Variants in RBPJ observed in about 807,000 individuals in gnomAD.
RBPJ encodes the protein recombining binding protein suppressor of hairless.
In RBPJ, 9 loss-of-function variants were observed where a neutral mutation model predicts 67.8. The observed-to-expected ratio is 0.13, with a 90% CI of 0.08 to 0.23. The LOEUF (loss-of-function observed/expected upper bound fraction) is 0.23. RBPJ is among the 10% of genes least tolerant of loss of function. The pLI is 1.00. For synonymous variants in RBPJ, 198 were observed against 203.3 expected (o/e 0.97, Z 0.22); for missense variants, 305 against 595.6 (o/e 0.51, Z 5.08).
chr4:26,181,844 A>T (rs1356877618), intron 1 of RBPJ, among the ~76,000 whole-genome samples: 1 of 152,334 alleles, frequency 6.6e-6, no homozygotes, highest in Admixed American at 6.5e-5. Context: ...AGCTCACAGG[A>T]CTGGAAGTTG....
At chr4:26,284,077 T>C (rs1289597696) in intron 1 of RBPJ, among the ~76,000 whole-genome samples, 1 of 152,204 alleles carries the variant, frequency 6.6e-6, no homozygotes. Flanking sequence ...TTAAATATGG[T>C]AGTGGTTATT....
intron 1 of RBPJ, among the ~76,000 whole-genome samples, chr4:26,325,077 C>T (rs984560510): frequency 3.9e-5 from 6 of 152,290 alleles, no homozygotes; most frequent in Admixed American, 1.3e-4. Context: ...TGTTGCTTCT[C>T]TGTTCTTGGT....
chr4:26,409,625 A>G (rs1176568363), intron 3 of RBPJ, among the ~76,000 whole-genome samples: 4 of 151,894 alleles, frequency 2.6e-5, no homozygotes, highest in Non-Finnish European at 5.9e-5. Context: ...TCAGCCTCCC[A>G]AGTAGCTGGG....
At chr4:26,278,729 A>G (rs766477966) in intron 1 of RBPJ, among the ~76,000 whole-genome samples, 4 of 152,094 alleles carry the variant, frequency 2.6e-5, no homozygotes, top group Non-Finnish European at 5.9e-5. Context: ...GCCCCTTTAC[A>G]AGTCTTTATA....
chr4:26,355,614 G>A (rs1454527055), intron 1 of RBPJ, among the ~76,000 whole-genome samples: 1 of 152,044 alleles, frequency 6.6e-6, no homozygotes, highest in African/African-American at 2.4e-5. Context: ...CTCCAGCCTG[G>A]GCAACAGAGC....
At chr4:26,325,636 A>C (rs1304188088) in intron 1 of RBPJ, among the ~76,000 whole-genome samples, 3 of 152,248 alleles carry the variant, frequency 2.0e-5, no homozygotes, top group Non-Finnish European at 4.4e-5. Flanking sequence ...GGCATGTAGC[A>C]AGTGCTCAAA....
intron 1 of RBPJ, among the ~76,000 whole-genome samples, chr4:26,287,755 G>A (rs1011357581): frequency 4.1e-4 from 61 of 148,042 alleles, no homozygotes; most frequent in African/African-American, 1.4e-3. Context: ...AGGCAGGAAG[G>A]CAGGACAGAA....
chr4:26,112,002 A>G, the RBPJ span: 1 of 185,272 alleles, frequency 5.4e-6, no homozygotes, highest in African/African-American at 2.3e-5. Context: ...ATCTGGTCTC[A>G]GCCAGGTGTT....
At chr4:26,385,265 C>A (rs1025101328) in intron 1 of RBPJ, among the ~76,000 whole-genome samples, 1 of 151,832 alleles carries the variant, frequency 6.6e-6, no homozygotes, top group Non-Finnish European at 1.5e-5. Flanking sequence ...AGGTGATCTG[C>A]CTGCCTCGGC....
chr4:26,157,099 A>AAAC, the RBPJ span, among the ~76,000 whole-genome samples: 10 of 32,988 alleles, frequency 3.0e-4, no homozygotes, highest in African/African-American at 1.0e-3. Context: ...ACAAACAAAC[A>AAAC]AAAACAAACA....
At chr4:26,142,238 T>G in the RBPJ span, among the ~76,000 whole-genome samples, 1 of 151,642 alleles carries the variant, frequency 6.6e-6, no homozygotes, top group African/African-American at 2.4e-5. Flanking sequence ...AGCTGGCTGA[T>G]GTAACAGCTG....
At chr4:26,354,469 T>C (rs1273787639) in intron 1 of RBPJ, among the ~76,000 whole-genome samples, 1 of 114,608 alleles carries the variant, frequency 8.7e-6, no homozygotes, top group Non-Finnish European at 2.0e-5. Context: ...TTTTTTTTTT[T>C]TGATACGGAG....
chr4:26,402,249 A>G (rs940955476), intron 2 of RBPJ, among the ~76,000 whole-genome samples: 1 of 152,054 alleles, frequency 6.6e-6, no homozygotes, highest in Non-Finnish European at 1.5e-5. Flanking sequence ...GCAACACCTC[A>G]AATCCCTCAT....
At chr4:26,126,593 A>G in the RBPJ span, among the ~76,000 whole-genome samples, 1 of 152,228 alleles carries the variant, frequency 6.6e-6, no homozygotes, top group African/African-American at 2.4e-5. Flanking sequence ...GGCAGGTCAA[A>G]CTAATGCCCT....
At chr4:26,308,371 C>T (rs1443214937) in intron 1 of RBPJ, among the ~76,000 whole-genome samples, 1 of 151,868 alleles carries the variant, frequency 6.6e-6, no homozygotes, top group African/African-American at 2.4e-5. Flanking sequence ...TTGTATAAAA[C>T]AAAGTATGTA....
the RBPJ span, among the ~76,000 whole-genome samples, chr4:26,156,033 TACTGTGTCTG>T: frequency 1.3e-5 from 2 of 152,174 alleles, no homozygotes; most frequent in Non-Finnish European, 2.9e-5. Context: ...CAGATTCAAA[TACTGTGTCTG>T]ACATAAACAA....
chr4:26,325,702 C>T (rs1723553701), intron 1 of RBPJ, among the ~76,000 whole-genome samples: 1 of 152,182 alleles, frequency 6.6e-6, no homozygotes, highest in Non-Finnish European at 1.5e-5. Context: ...TCTGTCTCTT[C>T]TCCAGCTGAG....
chr4:26,390,128 T>C (rs1225437629), intron 2 of RBPJ, among the ~76,000 whole-genome samples: 1 of 152,170 alleles, frequency 6.6e-6, no homozygotes, highest in Admixed American at 6.5e-5. Context: ...TGGAAAACAG[T>C]TCATGTAATT....
At chr4:26,126,923 C>T in the RBPJ span, among the ~76,000 whole-genome samples, 1 of 152,188 alleles carries the variant, frequency 6.6e-6, no homozygotes, top group Non-Finnish European at 1.5e-5. Flanking sequence ...ATGGACTGAG[C>T]TTAAAAGGTC....
Sources: gnomAD v4.1 joint callset for allele counts (sites outside exome capture counted in the v4.1 genomes callset) on GRCh38, gnomAD v4.1.1 for gene constraint, MANE v1.5 for transcripts, NCBI Gene and HGNC (gene_info 2026-07-23, HGNC 2026-07-21) for gene names.